PTPRG: variants seen among roughly 807,000 people sequenced by gnomAD.
PTPRG encodes receptor-type tyrosine-protein phosphatase gamma.
In PTPRG, 102 loss-of-function variants were observed where a neutral mutation model predicts 165.3. The ratio of observed to expected loss-of-function variants is 0.62; its 90% CI spans 0.53 to 0.73. The LOEUF (loss-of-function observed/expected upper bound fraction) is 0.73. PTPRG is among the 30% of genes least tolerant of loss of function. The pLI is 0.00. For synonymous variants in PTPRG, 675 were observed against 669.5 expected, an observed-to-expected ratio of 1.01 and a Z score of -0.13; for missense variants, 1,866 against 1,861.4, an observed-to-expected ratio of 1.00 and a Z score of -0.05.
chr3:61,658,670 C>G (rs568050287), intron 1 of PTPRG, among the ~76,000 whole-genome samples: 1 of 152,044 alleles, frequency 6.6e-6, no homozygotes, highest in Admixed American at 6.6e-5. Context: ...GATACAAGTT[C>G]TTTGCGAGTT....
chr3:62,257,169 G>C (rs1701555538), intron 16 of PTPRG, among the ~76,000 whole-genome samples: 1 of 152,114 alleles, frequency 6.6e-6, no homozygotes, highest in African/African-American at 2.4e-5. Context: ...TAAGAAAATA[G>C]AAAAGCTCAC....
Position 62,297,476 on chromosome 3 carries a change from A to C in PTPRG, c.*4169A>C, listed in dbSNP as rs1703102607. 2 of 149,784 alleles carry C rather than the reference A, an allele frequency of 1.3e-5. No individual in the cohort carries two copies. Among genetic ancestry groups the C allele is most frequent in the South Asian group, 4.2e-4 (2 of 4,772 alleles). The allele number at this position is 149,784 out of a possible 1,614,324, so 9.3% of individuals were successfully genotyped here. ...TTTTTTTTTTTTTTTAAATTTGTTC[A>C]GGGGGAGGGGTTTTGTAACCTGAAA... On this transcript the variant is annotated 3_prime_UTR_variant, in exon 30 of 30. Coordinates refer to ENST00000474889, the MANE Select transcript of PTPRG (RefSeq NM_002841.4).
At chr3:61,774,533 G>A (rs112915920) in intron 2 of PTPRG, among the ~76,000 whole-genome samples, 1,648 of 152,282 alleles carry the variant, frequency 0.011, 36 homozygotes, top group African/African-American at 0.037. Context: ...GGACAAGAAG[G>A]CCACAAAGAC....
At chr3:62,025,982 G>A (rs990112) in intron 4 of PTPRG, among the ~76,000 whole-genome samples, 83,173 of 152,054 alleles carry the variant, frequency 0.55, 23,414 homozygotes, top group African/African-American at 0.68. Context: ...TGATGCTTAA[G>A]TGATTTCTTT....
intron 28 of PTPRG, among the ~76,000 whole-genome samples, chr3:62,287,443 GA>G (rs1382809013): frequency 2.6e-5 from 4 of 151,818 alleles, no homozygotes; most frequent in Non-Finnish European, 5.9e-5. Flanking sequence ...TTTATGAAAT[GA>G]AGAACATTTA....
chr3:61,856,519 A>G (rs1489774885), intron 2 of PTPRG, among the ~76,000 whole-genome samples: 1 of 152,154 alleles, frequency 6.6e-6, no homozygotes, highest in Middle Eastern at 3.2e-3. Context: ...CTTGGTTCCA[A>G]AACATTTTGA....
intron 4 of PTPRG, among the ~76,000 whole-genome samples, chr3:62,060,817 G>T (rs1431508829): frequency 6.6e-6 from 1 of 152,166 alleles, no homozygotes; most frequent in Non-Finnish European, 1.5e-5. Flanking sequence ...CTTATAGATT[G>T]TTTAAGGTTT....
At chr3:62,102,559 C>G (rs1425746679) in intron 5 of PTPRG, among the ~76,000 whole-genome samples, 1 of 152,210 alleles carries the variant, frequency 6.6e-6, no homozygotes, top group African/African-American at 2.4e-5. Flanking sequence ...GCGTGAGCCA[C>G]CACGCCCGGC....
intron 1 of PTPRG, among the ~76,000 whole-genome samples, chr3:61,696,312 A>C (rs2106682363): frequency 6.6e-6 from 1 of 152,252 alleles, no homozygotes; most frequent in African/African-American, 2.4e-5. Flanking sequence ...GACCGGTCTG[A>C]CCAACATGGG....
intron 4 of PTPRG, among the ~76,000 whole-genome samples, chr3:62,071,178 C>A (rs1345910587): frequency 1.3e-5 from 2 of 152,120 alleles, no homozygotes; most frequent in Admixed American, 6.5e-5. Flanking sequence ...AGATTGCCTT[C>A]CCCCTGAGCT....
intron 1 of PTPRG, among the ~76,000 whole-genome samples, chr3:61,732,587 T>C (rs1053241413): frequency 6.6e-6 from 1 of 150,492 alleles, no homozygotes; most frequent in Non-Finnish European, 1.5e-5. Context: ...CGAGCACCTG[T>C]AGTCCCAGCT....
chr3:61,562,413 C>T (rs1384550254), intron 1 of PTPRG, 41 bp downstream of exon 1: 2 of 1,595,240 alleles, frequency 1.3e-6, no homozygotes, highest in African/African-American at 1.3e-5. Flanking sequence ...CCGGCCGGCG[C>T]GCGTTGGGGA....
chr3:61,825,554 A>C (rs542750619), intron 2 of PTPRG, among the ~76,000 whole-genome samples: 3 of 152,276 alleles, frequency 2.0e-5, no homozygotes, highest in Non-Finnish European at 4.4e-5. Flanking sequence ...ATGAAATGGG[A>C]GGCATTATTG....
intron 2 of PTPRG, among the ~76,000 whole-genome samples, chr3:61,967,665 T>C (rs905831876): frequency 1.3e-5 from 2 of 152,322 alleles, no homozygotes; most frequent in East Asian, 3.9e-4. Flanking sequence ...TTCTTCCAAA[T>C]TTAGTGCATG....
intron 1 of PTPRG, among the ~76,000 whole-genome samples, chr3:61,659,598 G>A (rs1702603484): frequency 6.6e-6 from 1 of 152,196 alleles, no homozygotes; most frequent in African/African-American, 2.4e-5. Flanking sequence ...TCTCTGAAGA[G>A]TGTATTAGAT....
intron 1 of PTPRG, among the ~76,000 whole-genome samples, chr3:61,696,311 G>A (rs2030588609): frequency 1.3e-5 from 2 of 152,308 alleles, no homozygotes; most frequent in South Asian, 2.1e-4. Flanking sequence ...AGACCGGTCT[G>A]ACCAACATGG....
chr3:61,998,974 G>T (rs578124220), intron 3 of PTPRG, among the ~76,000 whole-genome samples: 1 of 152,234 alleles, frequency 6.6e-6, no homozygotes, highest in South Asian at 2.1e-4. Context: ...ATCTGGTGAG[G>T]GCCTGCTTTC....
At chr3:62,022,995 AATAC>A (rs1313261443) in intron 4 of PTPRG, among the ~76,000 whole-genome samples, 1 of 152,146 alleles carries the variant, frequency 6.6e-6, no homozygotes, top group Non-Finnish European at 1.5e-5. Context: ...CAATATAATT[AATAC>A]ATTCAAAACA....
chr3:61,778,996 G>T (rs935506384), intron 2 of PTPRG, among the ~76,000 whole-genome samples: 8 of 152,096 alleles, frequency 5.3e-5, no homozygotes, highest in African/African-American at 1.4e-4. Context: ...AGTCATGTAG[G>T]ATGCATTAAA....
Sources: gnomAD v4.1 joint callset for allele counts (sites outside exome capture counted in the v4.1 genomes callset) on GRCh38, gnomAD v4.1.1 for gene constraint, MANE v1.5 for transcripts, NCBI Gene and HGNC (gene_info 2026-07-23, HGNC 2026-07-21) for gene names.